Variants in TFEC observed in about 807,000 individuals in gnomAD.
The protein encoded by TFEC is class E basic helix-loop-helix protein 34.
A neutral mutation model predicts 41.6 loss-of-function variants in TFEC; 31 were observed. The observed-to-expected ratio is 0.74, with a 90% confidence interval of 0.56 to 1.01. The LOEUF (loss-of-function observed/expected upper bound fraction) is 1.01. Ranked by LOEUF, TFEC falls within the 50% of genes least tolerant of loss-of-function variation. The pLI, the probability that TFEC is intolerant of heterozygous loss-of-function variation, is 0.00. For missense variants in TFEC, 402 were observed against 404.1 expected, an observed-to-expected ratio of 0.99 and a Z score of 0.04; for synonymous variants, 143 against 140.6, an observed-to-expected ratio of 1.02 and a Z score of -0.12.
At chr7:116,122,404 T>C (rs1273166013) in intron 1 of TFEC, among the ~76,000 whole-genome samples, 1 of 151,948 alleles carries the variant, frequency 6.6e-6, no homozygotes, top group Non-Finnish European at 1.5e-5. Context: ...GTCTAAGAAA[T>C]CAGGTAAGCC....
chr7:116,050,167 C>A (rs984397423), intron 3 of TFEC, among the ~76,000 whole-genome samples: 2 of 151,930 alleles, frequency 1.3e-5, no homozygotes, highest in Admixed American at 6.6e-5. Flanking sequence ...CGAAAAAAAA[C>A]CCTTCACACA....
At chr7:116,110,291 T>C (rs1018807053) in intron 3 of TFEC, among the ~76,000 whole-genome samples, 6 of 152,108 alleles carry the variant, frequency 3.9e-5, no homozygotes, top group Admixed American at 3.9e-4. Flanking sequence ...TCTTGGAGTG[T>C]TTTTAAAAAT....
intron 3 of TFEC, among the ~76,000 whole-genome samples, chr7:116,041,952 T>C (rs1310929023): frequency 6.6e-6 from 1 of 152,134 alleles, no homozygotes; most frequent in Admixed American, 6.5e-5. Flanking sequence ...CCTACAATTG[T>C]TCACCTTCTG....
At chr7:115,950,263 T>G (rs1791863303) in intron 6 of TFEC, among the ~76,000 whole-genome samples, 4 of 152,028 alleles carry the variant, frequency 2.6e-5, no homozygotes, top group African/African-American at 9.7e-5. Flanking sequence ...CTGCCTGCCT[T>G]GGCCTCCCAA....
intron 3 of TFEC, among the ~76,000 whole-genome samples, chr7:116,084,070 T>C (rs1797149834): frequency 6.6e-6 from 1 of 151,946 alleles, no homozygotes; most frequent in Non-Finnish European, 1.5e-5. Flanking sequence ...TTAATTATTC[T>C]GGAAGGGTTA....
At chr7:116,085,705 G>A (rs1248948824) in intron 3 of TFEC, among the ~76,000 whole-genome samples, 1 of 151,878 alleles carries the variant, frequency 6.6e-6, no homozygotes, top group Non-Finnish European at 1.5e-5. Flanking sequence ...AAGCTAAAAT[G>A]AAATTATTAC....
chr7:115,957,028 G>A (rs1425889931), intron 3 of TFEC, among the ~76,000 whole-genome samples: 1 of 151,916 alleles, frequency 6.6e-6, no homozygotes, highest in Non-Finnish European at 1.5e-5. Context: ...TAAGCAAAAA[G>A]AGAAATCAGT....
chr7:116,044,516 T>A (rs1443527890), intron 3 of TFEC, among the ~76,000 whole-genome samples: 1 of 152,252 alleles, frequency 6.6e-6, no homozygotes, highest in Non-Finnish European at 1.5e-5. Flanking sequence ...GATACATACT[T>A]CAGAACAGAA....
chr7:116,070,330 C>G (rs1257851372), intron 3 of TFEC, among the ~76,000 whole-genome samples: 1 of 151,308 alleles, frequency 6.6e-6, no homozygotes, highest in African/African-American at 2.4e-5. Context: ...AATTAATCCC[C>G]AAAGCAAACA....
At chr7:116,008,182 T>C (rs1284684785) in intron 1 of TFEC, among the ~76,000 whole-genome samples, 2 of 152,166 alleles carry the variant, frequency 1.3e-5, no homozygotes, top group Admixed American at 6.6e-5. Context: ...TAACAAGATT[T>C]TTTATCACTG....
Position 115,936,627 on chromosome 7 carries a change from A to G in TFEC, c.*3924T>C, listed in dbSNP as rs973409886. ...GTGTTTCCATGATGCCTTGAAGTATAAGAAAATTCCTATATGACTCAGTTT... is the reference window on the plus strand; with the variant it reads ...GTGTTTCCATGATGCCTTGAAGTATGAGAAAATTCCTATATGACTCAGTTT... On this transcript the variant is annotated 3_prime_UTR_variant, in exon 8 of 8. Transcript: ENST00000265440. The G allele has an allele frequency of 4.6e-5, 7 of 151,676 alleles. No individual in the cohort carries two copies. The highest frequency in any genetic ancestry group is 1.0e-4 in the Non-Finnish European group (7 of 67,680). 9.4% of individuals were successfully genotyped at this position (151,676 alleles called of 1,614,324 possible).
At chr7:116,153,863 G>C (rs1047431255) in intron 1 of TFEC, among the ~76,000 whole-genome samples, 5 of 152,150 alleles carry the variant, frequency 3.3e-5, no homozygotes, top group Admixed American at 6.5e-5. Flanking sequence ...AAAATTAGGA[G>C]GACACCAGTG....
chr7:116,011,166 T>C (rs1030668803), intron 1 of TFEC, among the ~76,000 whole-genome samples: 3 of 152,184 alleles, frequency 2.0e-5, no homozygotes, highest in Non-Finnish European at 4.4e-5. Context: ...TAGGCCCTTC[T>C]GGGGGTGTCA....
At chr7:116,065,697 A>G (rs1258974465) in intron 3 of TFEC, among the ~76,000 whole-genome samples, 1 of 152,176 alleles carries the variant, frequency 6.6e-6, no homozygotes, top group Non-Finnish European at 1.5e-5. Flanking sequence ...TTTTCATAAA[A>G]GCCTTGTTGA....
intron 3 of TFEC, among the ~76,000 whole-genome samples, chr7:116,100,594 T>A (rs935141646): frequency 9.2e-6 from 1 of 108,686 alleles, no homozygotes; most frequent in Non-Finnish European, 2.1e-5. Flanking sequence ...AGGGGGTTAC[T>A]TGGTTCTCTA....
intron 1 of TFEC, among the ~76,000 whole-genome samples, chr7:116,114,981 C>T (rs1015683421): frequency 2.6e-5 from 4 of 151,836 alleles, no homozygotes; most frequent in African/African-American, 9.7e-5. Flanking sequence ...TCCCCACACA[C>T]TGACTGTCAT....
intron 1 of TFEC, among the ~76,000 whole-genome samples, chr7:116,008,268 G>A (rs1794874922): frequency 6.6e-6 from 1 of 152,120 alleles, no homozygotes; most frequent in Non-Finnish European, 1.5e-5. Context: ...CCATCAGCAA[G>A]AATACGAACA....
intron 1 of TFEC, among the ~76,000 whole-genome samples, chr7:116,016,429 C>A (rs946563215): frequency 3.9e-5 from 6 of 152,058 alleles, no homozygotes; most frequent in African/African-American, 1.4e-4. Flanking sequence ...CTAATGACTC[C>A]CAAATTTGCA....
chr7:116,023,719 T>C (rs1455043028), intron 1 of TFEC, among the ~76,000 whole-genome samples: 2 of 152,098 alleles, frequency 1.3e-5, no homozygotes, highest in African/African-American at 2.4e-5. Context: ...ATGTGCCCTA[T>C]GGTCTGATTA....
Sources: allele counts gnomAD v4.1 joint callset (sites outside exome capture counted in the v4.1 genomes callset), GRCh38; gene constraint gnomAD v4.1.1; transcripts MANE v1.5; gene names NCBI Gene and HGNC (gene_info 2026-07-23, HGNC 2026-07-21).